DIAPH3: variants seen among roughly 807,000 people sequenced by gnomAD.
DIAPH3 encodes the protein diaphanous related formin 3, also known as protein diaphanous homolog 3.
DIAPH3 carries 117 observed loss-of-function variants against 144.3 expected under a neutral mutation model. The observed-to-expected ratio is 0.81, with a 90% CI of 0.70 to 0.95. The LOEUF is 0.95. Among genes scored for constraint, DIAPH3 ranks in the 40% least tolerant of loss-of-function variants. The probability of loss-of-function intolerance (pLI) is 0.00; values close to 1 mark genes in which losing one functional copy is unlikely to be tolerated. For missense variants in DIAPH3, 1,421 were observed against 1,412.7 expected, an observed-to-expected ratio of 1.01 and a Z score of -0.09; for synonymous variants, 519 against 488.9, an observed-to-expected ratio of 1.06 and a Z score of -0.81.
intron 17 of DIAPH3, among the ~76,000 whole-genome samples, chr13:59,956,094 G>C (rs541642287): frequency 4.6e-5 from 7 of 152,270 alleles, no homozygotes; most frequent in African/African-American, 1.7e-4. Context: ...GTAGAGCATA[G>C]AAGTTCAAAA....
At chr13:59,998,048 C>T (rs1304536519) in intron 9 of DIAPH3, among the ~76,000 whole-genome samples, 1 of 152,114 alleles carries the variant, frequency 6.6e-6, no homozygotes, top group Admixed American at 6.6e-5. Context: ...TTAAATTTCA[C>T]ATTTATCAAG....
At chr13:59,809,923 T>A (rs2040387045) in intron 25 of DIAPH3, among the ~76,000 whole-genome samples, 1 of 152,162 alleles carries the variant, frequency 6.6e-6, no homozygotes, top group South Asian at 2.1e-4. Flanking sequence ...GTTCAATCCT[T>A]ACTGACTTGG....
At chr13:60,118,496 C>T (rs1437090041) in intron 2 of DIAPH3, among the ~76,000 whole-genome samples, 1 of 152,082 alleles carries the variant, frequency 6.6e-6, no homozygotes, top group African/African-American at 2.4e-5. Flanking sequence ...AACAAAAATT[C>T]CTTCTCATTA....
chr13:59,714,927 A>G (rs2034972076), intron 27 of DIAPH3, among the ~76,000 whole-genome samples: 1 of 152,164 alleles, frequency 6.6e-6, no homozygotes, highest in Non-Finnish European at 1.5e-5. Context: ...AAAAACCAAA[A>G]AAGTCACCAG....
chr13:59,747,603 G>C (rs918129056), intron 27 of DIAPH3, among the ~76,000 whole-genome samples: 7 of 152,136 alleles, frequency 4.6e-5, no homozygotes, highest in Non-Finnish European at 1.0e-4. Flanking sequence ...TGGCCACTGG[G>C]ACCTGAGAAA....
chr13:59,921,038 T>C (rs1593991700), intron 18 of DIAPH3, among the ~76,000 whole-genome samples: 1 of 151,202 alleles, frequency 6.6e-6, no homozygotes, highest in East Asian at 1.9e-4. Flanking sequence ...AAAATGTATT[T>C]AGAAAATTGA....
chr13:59,937,273 C>A (rs922861236), intron 17 of DIAPH3, among the ~76,000 whole-genome samples: 3 of 152,008 alleles, frequency 2.0e-5, no homozygotes, highest in African/African-American at 7.2e-5. Context: ...AATTACAAAA[C>A]CAACTCTGAA....
At chr13:59,955,543 G>A (rs1216619759) in intron 17 of DIAPH3, among the ~76,000 whole-genome samples, 3 of 152,064 alleles carry the variant, frequency 2.0e-5, no homozygotes, top group African/African-American at 7.2e-5. Context: ...CATGAGAAGC[G>A]ACTAATACAG....
At chr13:60,131,820 TAAG>T (rs1391924456) in intron 2 of DIAPH3, among the ~76,000 whole-genome samples, 2 of 152,206 alleles carry the variant, frequency 1.3e-5, no homozygotes, top group African/African-American at 4.8e-5. Context: ...TTATCAGCCT[TAAG>T]AAGCCATTTG....
intron 3 of DIAPH3, among the ~76,000 whole-genome samples, chr13:60,098,318 CCA>C (rs1274679781): frequency 6.6e-6 from 1 of 152,050 alleles, no homozygotes. Flanking sequence ...CTGAGATGCA[CCA>C]CAGTCAGGAT....
intron 1 of DIAPH3, among the ~76,000 whole-genome samples, chr13:60,149,970 C>G (rs768079955): frequency 1.3e-5 from 2 of 151,918 alleles, no homozygotes; most frequent in African/African-American, 4.8e-5. Context: ...AGGGAATTTC[C>G]CCTTTGTACT....
intron 4 of DIAPH3, among the ~76,000 whole-genome samples, chr13:60,080,354 TTTAA>T (rs938700991): frequency 5.9e-5 from 9 of 151,880 alleles, no homozygotes; most frequent in African/African-American, 2.2e-4. Flanking sequence ...AATTGATGAG[TTTAA>T]TTACTTAATG....
At chr13:59,757,607 A>G (rs1344764068) in intron 27 of DIAPH3, among the ~76,000 whole-genome samples, 6 of 151,810 alleles carry the variant, frequency 4.0e-5, no homozygotes, top group Admixed American at 3.9e-4. Context: ...TCACCGTGTT[A>G]GCTAGGTTGG....
intron 20 of DIAPH3, among the ~76,000 whole-genome samples, chr13:59,902,536 G>A (rs560914449): frequency 6.6e-6 from 1 of 152,154 alleles, no homozygotes; most frequent in Admixed American, 6.5e-5. Flanking sequence ...CACTTTGGGA[G>A]GCCAAGGCAG....
intron 25 of DIAPH3, among the ~76,000 whole-genome samples, chr13:59,810,149 G>C (rs2040396452): frequency 6.6e-6 from 1 of 151,784 alleles, no homozygotes; most frequent in African/African-American, 2.4e-5. Flanking sequence ...AAAATGTTCA[G>C]ACTGCTTTTT....
chr13:60,013,938 G>A (rs2053452679), intron 7 of DIAPH3, among the ~76,000 whole-genome samples: 1 of 151,918 alleles, frequency 6.6e-6, no homozygotes, highest in African/African-American at 2.4e-5. Flanking sequence ...TAATAACACA[G>A]ATAAAAGCAC....
In DIAPH3 at chr13:60,163,797, A is replaced by G. The variant is rs1262961056; in HGVS notation, c.-31T>C. On this transcript the variant is annotated 5_prime_UTR_variant, in exon 1 of 28. Coordinates refer to ENST00000400324, the MANE Select transcript of DIAPH3 (RefSeq NM_001042517.2). ...CCCGCAGCTCCGGGGACCGGAAAGA[A>G]GGTGGCCACTCAGCAAGCCGCAAGC... The G allele has an allele frequency of 1.3e-6, 2 of 1,546,472 alleles. No individual in the cohort carries two copies. The highest frequency in any genetic ancestry group is 1.7e-6 in the Non-Finnish European group (2 of 1,149,406).
At chr13:60,093,762 T>C in intron 3 of DIAPH3, 30 bp from the exon 4 acceptor site, 4 of 1,463,448 alleles carry the variant, frequency 2.7e-6, no homozygotes, top group Non-Finnish European at 3.8e-6. Flanking sequence ...TGCCTCATTT[T>C]AGAATCTAAG....
chr13:59,708,750 C>G (rs781348497), intron 27 of DIAPH3, among the ~76,000 whole-genome samples: 2 of 152,074 alleles, frequency 1.3e-5, no homozygotes, highest in Non-Finnish European at 2.9e-5. Flanking sequence ...CTGGCAATCC[C>G]CCAATTTATA....
Sources: allele counts gnomAD v4.1 joint callset (sites outside exome capture counted in the v4.1 genomes callset), GRCh38; gene constraint gnomAD v4.1.1; transcripts MANE v1.5; gene names NCBI Gene and HGNC (gene_info 2026-07-23, HGNC 2026-07-21).